The following FSTL5 variants were observed in gnomAD, a reference collection of about 807,000 sequenced individuals.
The protein encoded by FSTL5 is follistatin like 5.
In FSTL5, 62 loss-of-function variants were observed where a neutral mutation model predicts 89.1. The observed-to-expected ratio is 0.70, with a 90% CI of 0.57 to 0.86. The LOEUF is 0.86. Among genes scored for constraint, FSTL5 ranks in the 40% least tolerant of loss-of-function variants. The pLI is 0.00. For synonymous variants in FSTL5, 383 were observed against 346.2 expected, an observed-to-expected ratio of 1.11 and a Z score of -1.18; for missense variants, 1,057 against 1,001.6, an observed-to-expected ratio of 1.06 and a Z score of -0.75.
At position 162,152,843 on chromosome 4, in the gene FSTL5, CT is replaced by C. The variant is rs1023378481; in HGVS notation, c.-17+10771del. On this transcript the variant is annotated intron_variant, in intron 1 of 15. Transcript: ENST00000306100. ...TCCCAGAATTTAGTTGCAACATGCT[CT>C]GTATAGTATGTTTAAAACTGGAAAG... Among the ~76,000 whole-genome samples the C allele has an allele frequency of 6.7e-5, 10 of 149,978 alleles. 1 individual carries two copies. Among genetic ancestry groups the C allele is most frequent in the Admixed American group, 2.0e-4 (3 of 15,038 alleles).
At chr4:162,142,350 C>T (rs7671411) in intron 1 of FSTL5, among the ~76,000 whole-genome samples, 14,770 of 152,016 alleles carry the variant, frequency 0.097, 1,039 homozygotes, top group African/African-American at 0.19. Flanking sequence ...CAATTGACCC[C>T]AAGGTATTTA....
intron 7 of FSTL5, among the ~76,000 whole-genome samples, chr4:161,612,533 G>A (rs1340927722): frequency 3.3e-5 from 5 of 152,136 alleles, no homozygotes; most frequent in African/African-American, 4.8e-5. Flanking sequence ...ACATTCATTA[G>A]CCTCCATTAA....
chr4:161,644,526 C>CAA lies in FSTL5; in HGVS notation c.894+11800_894+11801dup, dbSNP rs34645648. 3.0e-3 allele frequency among the ~76,000 whole-genome samples: 395 copies of CAA among 133,860 alleles called. 2 individuals are homozygous for CAA. Among genetic ancestry groups the CAA allele is most frequent in the African/African-American group, 8.7e-3 (310 of 35,432 alleles). 87.8% of individuals were successfully genotyped at this position (133,860 alleles called of 152,430 possible). The stretch of plus-strand genomic sequence containing the variant: ...GGGCAATAAGAATGAAACTCTGTCT[C>CAA]AAAAAAAAAAAAAAGAACAGTAGTA... On this transcript the variant is annotated intron_variant, in intron 7 of 15. Coordinates refer to ENST00000306100, the MANE Select transcript of FSTL5 (RefSeq NM_020116.5).
chr4:161,812,899 A>AAAAAAG (rs1730202804), intron 4 of FSTL5, among the ~76,000 whole-genome samples: 5 of 150,384 alleles, frequency 3.3e-5, no homozygotes, highest in Non-Finnish European at 7.4e-5. Flanking sequence ...AAAAAAAAAA[A>AAAAAAG]AAAAAAAAGA....
intron 5 of FSTL5, among the ~76,000 whole-genome samples, chr4:161,759,860 G>T (rs1579072730): frequency 6.6e-6 from 1 of 151,296 alleles, no homozygotes; most frequent in South Asian, 2.1e-4. Flanking sequence ...CTGACTCAAG[G>T]AAATACTTCT....
rs1737108827 is a variant in FSTL5, at chr4:162,022,083, T to A, written c.160+11542A>T. Among the ~76,000 whole-genome samples the A allele has an allele frequency of 2.0e-5, 3 of 148,912 alleles. No homozygotes were observed. The South Asian group carries it at 6.3e-4, about 31-fold the overall frequency. On this transcript the variant is annotated intron_variant, in intron 3 of 15. Coordinates refer to ENST00000306100, the MANE Select transcript of FSTL5 (RefSeq NM_020116.5). ...TCCAGCCTGGGTGACAGAGCAAGAC[T>A]CTGTCTCAGGGAAAAAAAAAAAAAA... is the stretch of plus-strand genomic sequence containing the variant.
intron 4 of FSTL5, among the ~76,000 whole-genome samples, chr4:161,778,626 C>G (rs1203597727): frequency 6.6e-6 from 1 of 152,158 alleles, no homozygotes; most frequent in Non-Finnish European, 1.5e-5. Flanking sequence ...TCAACAAGTT[C>G]TTTTTCACAA....
intron 2 of FSTL5, among the ~76,000 whole-genome samples, chr4:162,105,278 G>T (rs1324819047): frequency 1.3e-5 from 2 of 152,142 alleles, no homozygotes; most frequent in Admixed American, 1.3e-4. Flanking sequence ...GTATACAATA[G>T]TGTTAATTAT....
intron 4 of FSTL5, among the ~76,000 whole-genome samples, chr4:161,790,526 G>A (rs570510949): frequency 3.3e-5 from 5 of 152,122 alleles, no homozygotes; most frequent in Non-Finnish European, 5.9e-5. Flanking sequence ...TTTCATACTA[G>A]GAAGAAAGCT....
intron 3 of FSTL5, among the ~76,000 whole-genome samples, chr4:161,926,394 G>A (rs1734122741): frequency 7.6e-5 from 2 of 26,434 alleles, no homozygotes; most frequent in South Asian, 2.2e-3. Flanking sequence ...ACAGAAGAAG[G>A]TTTTTTTTTT....
intron 4 of FSTL5, among the ~76,000 whole-genome samples, chr4:161,865,317 T>G (rs149994007): frequency 6.6e-6 from 1 of 152,212 alleles, no homozygotes; most frequent in Admixed American, 6.5e-5. Context: ...AGTCCACATA[T>G]CCCTTATGCA....
chr4:161,899,128 AATG>A (rs1423885363), intron 4 of FSTL5, among the ~76,000 whole-genome samples: 1 of 152,134 alleles, frequency 6.6e-6, no homozygotes, highest in Non-Finnish European at 1.5e-5. Flanking sequence ...AAGGAATAGG[AATG>A]GACATGCTAC....
chr4:161,590,924 T>C (rs1248543436), intron 7 of FSTL5, among the ~76,000 whole-genome samples: 1 of 152,204 alleles, frequency 6.6e-6, no homozygotes, highest in African/African-American at 2.4e-5. Flanking sequence ...TAATACTAAC[T>C]GTATGCAAAT....
intron 10 of FSTL5, among the ~76,000 whole-genome samples, chr4:161,530,869 C>A (rs1578902992): frequency 6.6e-6 from 1 of 152,188 alleles, no homozygotes; most frequent in South Asian, 2.1e-4. Flanking sequence ...CCTTTATTAC[C>A]TGGGAATTGA....
At chr4:161,519,157 C>A (rs1730938568) in intron 10 of FSTL5, among the ~76,000 whole-genome samples, 1 of 152,142 alleles carries the variant, frequency 6.6e-6, no homozygotes, top group Admixed American at 6.5e-5. Context: ...GTGATAGAGA[C>A]ATTTACTGTT....
chr4:161,386,595 T>C (rs1730656658), intron 15 of FSTL5, 146 bp from the exon 16 acceptor site: 2 of 603,850 alleles, frequency 3.3e-6, no homozygotes, highest in Non-Finnish European at 2.9e-6. Context: ...CTAGAATTAA[T>C]CTGTAGATTG....
intron 4 of FSTL5, among the ~76,000 whole-genome samples, chr4:161,802,412 T>C (rs1366458311): frequency 2.0e-5 from 3 of 151,688 alleles, no homozygotes. Flanking sequence ...CAGAGGACAC[T>C]GGCAAATGAT....
At chr4:162,125,976 T>C (rs957012742) in intron 1 of FSTL5, among the ~76,000 whole-genome samples, 3 of 152,058 alleles carry the variant, frequency 2.0e-5, no homozygotes, top group Non-Finnish European at 2.9e-5. Context: ...TTTCTCTTTG[T>C]AGAGGCCTAC....
At chr4:161,421,153 A>G (rs1012709889) in intron 15 of FSTL5, among the ~76,000 whole-genome samples, 7 of 152,064 alleles carry the variant, frequency 4.6e-5, no homozygotes, top group African/African-American at 1.4e-4. Context: ...CATCCTGGCT[A>G]ACACTGTGAA....
Sources: allele counts gnomAD v4.1 joint callset (sites outside exome capture counted in the v4.1 genomes callset), GRCh38; gene constraint gnomAD v4.1.1; transcripts MANE v1.5; gene names NCBI Gene and HGNC (gene_info 2026-07-23, HGNC 2026-07-21).